Variants in PLSCR2 observed in about 807,000 individuals in gnomAD.
PLSCR2 encodes phospholipid scramblase 2.
Under a neutral mutation model 25.3 loss-of-function variants are expected in PLSCR2, and 18 were observed. That is an observed-to-expected ratio of 0.71 (90% CI 0.49 to 1.06). The LOEUF (loss-of-function observed/expected upper bound fraction) is 1.06, where lower values mean the gene tolerates loss of function less well. PLSCR2 is among the 50% of genes least tolerant of loss of function. The pLI is 0.00. For synonymous variants in PLSCR2, 88 were observed against 87.3 expected, an observed-to-expected ratio of 1.01 and a Z score of -0.04; for missense variants, 243 against 269.5, an observed-to-expected ratio of 0.90 and a Z score of 0.69.
chr3:146,475,825 G>A (rs1381532609), intron 1 of PLSCR2, among the ~76,000 whole-genome samples: 1 of 152,250 alleles, frequency 6.6e-6, no homozygotes, highest in Non-Finnish European at 1.5e-5. Context: ...GAAACTTAAG[G>A]TCAGCCAGAC....
At chr3:146,495,678 G>A (rs771962699) in intron 1 of PLSCR2, among the ~76,000 whole-genome samples, 6 of 152,154 alleles carry the variant, frequency 3.9e-5, no homozygotes, top group Non-Finnish European at 8.8e-5. Context: ...CCCAGCCTCT[G>A]GAAGTACAGA....
chr3:146,396,912 A>C (rs555856111), intron 2 of PLSCR2, among the ~76,000 whole-genome samples: 1 of 152,256 alleles, frequency 6.6e-6, no homozygotes, highest in South Asian at 2.1e-4. Flanking sequence ...ATACTACAGA[A>C]AAAATAAAAG....
chr3:146,469,613 G>A (rs1432041583), intron 1 of PLSCR2, 52 bp from the exon 1 acceptor site: 48 of 979,618 alleles, frequency 4.9e-5, no homozygotes, highest in Non-Finnish European at 5.7e-5. Context: ...GAAGTCGGCG[G>A]AAAAGGGGCC....
At chr3:146,464,600 CATATTAT>C (rs910873140), upstream of PLSCR2, among the ~76,000 whole-genome samples, 2 of 152,154 alleles carry the variant, frequency 1.3e-5, no homozygotes, top group African/African-American at 4.8e-5. Flanking sequence ...GTAATAAAGT[CATATTAT>C]ATATTATACC....
chr3:146,451,703 G>A (rs947218082), intron 5 of PLSCR2, among the ~76,000 whole-genome samples: 7 of 152,172 alleles, frequency 4.6e-5, no homozygotes, highest in African/African-American at 1.7e-4. Context: ...ATCCTCCGGA[G>A]ATGAGAGTAA....
rs189000960 is a variant in PLSCR2 at position 146,453,948 on chromosome 3, A to T, written c.483+54T>A. 634 of 1,422,824 alleles carry T rather than the reference A, an allele frequency of 4.5e-4. 6 individuals are homozygous for T. The African/African-American group carries it at 8.7e-3, about 19-fold the overall frequency. 88.1% of individuals were successfully genotyped at this position (1,422,824 alleles called of 1,614,324 possible). ...TAAGGCATTCATAATATTCTGCAAA[A>T]TTATATTCTTCTATTAAAAAAGCAA... On this transcript the variant is annotated intron_variant, in intron 5 of 6. Coordinates refer to ENST00000610787, the Ensembl canonical transcript of PLSCR2.
intron 1 of PLSCR2, among the ~76,000 whole-genome samples, chr3:146,487,071 A>T (rs6803521): frequency 1.2e-3 from 187 of 152,254 alleles, no homozygotes; most frequent in African/African-American, 3.5e-3. Flanking sequence ...AACCTACATG[A>T]TTATTTCAAT....
chr3:146,419,605 G>A (rs1576588780), intron 2 of PLSCR2, among the ~76,000 whole-genome samples: 2 of 151,952 alleles, frequency 1.3e-5, no homozygotes, highest in African/African-American at 2.4e-5. Flanking sequence ...AACTTGAATC[G>A]GCAGGACTCT....
chr3:146,482,803 T>G (rs2043175726), intron 1 of PLSCR2, among the ~76,000 whole-genome samples: 1 of 152,102 alleles, frequency 6.6e-6, no homozygotes, highest in Admixed American at 6.6e-5. Context: ...CTATTCACAA[T>G]AGCAAAGACT....
At chr3:146,424,107 C>T (rs1056099202) in intron 2 of PLSCR2, among the ~76,000 whole-genome samples, 2 of 147,500 alleles carry the variant, frequency 1.4e-5, no homozygotes, top group Non-Finnish European at 3.0e-5. Flanking sequence ...ACATTCTGCA[C>T]GTGTATCCCA....
At chr3:146,491,517 C>A (rs940860989) in intron 1 of PLSCR2, among the ~76,000 whole-genome samples, 1 of 152,004 alleles carries the variant, frequency 6.6e-6, no homozygotes, top group Non-Finnish European at 1.5e-5. Flanking sequence ...GTTCTGTTTA[C>A]GTAATCCCTT....
intron 1 of PLSCR2, among the ~76,000 whole-genome samples, chr3:146,484,845 G>C (rs745718184): frequency 1.8e-4 from 27 of 151,942 alleles, no homozygotes; most frequent in Non-Finnish European, 3.5e-4. Context: ...CACACCAAAA[G>C]ATAAAGACCA....
intron 2 of PLSCR2, among the ~76,000 whole-genome samples, chr3:146,422,027 G>A (rs2108078014): frequency 6.6e-6 from 1 of 152,164 alleles, no homozygotes; most frequent in Middle Eastern, 3.4e-3. Context: ...TGGTCAATAT[G>A]AGTCATAAAA....
downstream of PLSCR2, among the ~76,000 whole-genome samples, chr3:146,428,921 G>C (rs1269519366): frequency 1.3e-5 from 2 of 152,164 alleles, no homozygotes; most frequent in African/African-American, 4.8e-5. Context: ...ACCTCCCTGT[G>C]TTTTAAAAAC....
upstream of PLSCR2, chr3:146,495,957 A>T: frequency 6.6e-7 from 1 of 1,524,032 alleles, no homozygotes; most frequent in Non-Finnish European, 8.8e-7. Context: ...GTCTCTCAGA[A>T]TTATTGCTAG....
rs558227808 is a variant in PLSCR2, at chr3:146,453,063, C to A, written c.483+939G>T. Among the ~76,000 whole-genome samples the A allele has an allele frequency of 7.4e-4, 112 of 152,036 alleles. 1 individual carries two copies. Among genetic ancestry groups the A allele is most frequent in the African/African-American group, 2.5e-3 (105 of 41,502 alleles). ...TCTTAGAATTTCCCATCTCTGTCAT[C>A]AGATTATAAAGTTGAAAAGGGGAAG... On this transcript the variant is annotated intron_variant, in intron 5 of 6. Coordinates refer to ENST00000610787, the Ensembl canonical transcript of PLSCR2.
At chr3:146,490,771 G>C (rs1205653916) in intron 1 of PLSCR2, among the ~76,000 whole-genome samples, 6 of 152,130 alleles carry the variant, frequency 3.9e-5, no homozygotes, top group Non-Finnish European at 7.4e-5. Context: ...CTTGAAGACA[G>C]TATATGGTTG....
At chr3:146,485,327 T>A (rs1048079970) in intron 1 of PLSCR2, among the ~76,000 whole-genome samples, 1 of 152,136 alleles carries the variant, frequency 6.6e-6, no homozygotes, top group Non-Finnish European at 1.5e-5. Context: ...ACAAAGAGAC[T>A]TAGACTCCCA....
chr3:146,436,192 C>G (rs2039846915), intron 8 of PLSCR2, among the ~76,000 whole-genome samples: 1 of 151,984 alleles, frequency 6.6e-6, no homozygotes, highest in Non-Finnish European at 1.5e-5. Flanking sequence ...AGTATAGTTT[C>G]AAGTCAGGTA....
Sources: gnomAD v4.1 joint callset for allele counts (sites outside exome capture counted in the v4.1 genomes callset) on GRCh38, gnomAD v4.1.1 for gene constraint, MANE v1.5 for transcripts, NCBI Gene and HGNC (gene_info 2026-07-23, HGNC 2026-07-21) for gene names.